The following MMP26 variants were observed in gnomAD, a reference collection of about 807,000 sequenced individuals.
The protein encoded by MMP26 is matrix metalloproteinase-26.
A neutral mutation model predicts 31.0 loss-of-function variants in MMP26; 33 were observed. That is an observed-to-expected ratio of 1.06 (90% confidence interval 0.81 to 1.42). The LOEUF is 1.42. MMP26 is among the 40% of genes most tolerant of loss of function. The probability of loss-of-function intolerance (pLI) is 0.00; values close to 1 mark genes in which losing one functional copy is unlikely to be tolerated. For missense variants in MMP26, 347 were observed against 316.1 expected (o/e 1.10, Z -0.74); for synonymous variants, 122 against 114.9 (o/e 1.06, Z -0.40).
chr11:4,775,600 T>C (rs1005210016), intron 2 of MMP26, among the ~76,000 whole-genome samples: 4 of 152,146 alleles, frequency 2.6e-5, no homozygotes, highest in Admixed American at 2.6e-4. Flanking sequence ...GAGGTTTATT[T>C]GGCTCATGGT....
rs115822047 is a variant in MMP26 at position 4,801,348 on chromosome 11, T to C, written c.-145+34007T>C. Among the ~76,000 whole-genome samples, 975 of 152,106 alleles carry C rather than the reference T, an allele frequency of 6.4e-3. 10 individuals carry two copies. Among genetic ancestry groups the C allele is most frequent in the African/African-American group, 0.022 (922 of 41,474 alleles). ...ATTTATAAAGAAAAGTTTAATTAGG[T>C]CCCAGTTTTGCAGGCTGCACAAGCA... On this transcript the variant is annotated intron_variant, in intron 2 of 7. Coordinates refer to ENST00000380390, the MANE Select transcript of MMP26 (RefSeq NM_021801.5).
At position 4,804,654 on chromosome 11, in the gene MMP26, A is replaced by G. The variant is rs371839882; in HGVS notation, c.-145+37313A>G. On this transcript the variant is annotated intron_variant, in intron 2 of 7. Coordinates refer to ENST00000380390, the MANE Select transcript of MMP26 (RefSeq NM_021801.5). ...GTGTAACTGTTTTTTAAGAATCAAT[A>G]TTTTTCTTGACCAGGTGTGGTGGCT... 6 of 537,322 alleles carry G rather than the reference A, an allele frequency of 1.1e-5. No homozygotes were observed. The African/African-American group carries it at 1.1e-4, about 10-fold the overall frequency. 33.3% of individuals were successfully genotyped at this position (537,322 alleles called of 1,614,324 possible).
At chr11:4,751,609 A>G (rs969458440) in intron 1 of MMP26, among the ~76,000 whole-genome samples, 5 of 152,176 alleles carry the variant, frequency 3.3e-5, no homozygotes, top group Non-Finnish European at 2.9e-5. Flanking sequence ...AACTTTAAAG[A>G]AAGTTTAAGC....
At chr11:4,750,911 C>T (rs1363559431) in intron 1 of MMP26, among the ~76,000 whole-genome samples, 3 of 149,538 alleles carry the variant, frequency 2.0e-5, no homozygotes, top group African/African-American at 7.3e-5. Context: ...CCCCCTAAAT[C>T]TATTTTTTTT....
intron 2 of MMP26, among the ~76,000 whole-genome samples, chr11:4,773,594 GGT>G (rs1491155554): frequency 0.095 from 13,394 of 140,944 alleles, 733 homozygotes; most frequent in Middle Eastern, 0.15. Context: ...GTGTTTGTGG[GGT>G]TTTTTTTTTT....
In MMP26 at chr11:4,915,714, A is replaced by G. The variant is rs78906244; in HGVS notation, c.-144-72354A>G. 2.4e-3 allele frequency: 3,159 copies of G among 1,324,106 alleles called. 43 individuals carry two copies. In the African/African-American group the frequency reaches 0.033, roughly 14 times the overall value. The allele number at this position is 1,324,106 out of a possible 1,614,324, so 82.0% of individuals were successfully genotyped here. A position where few individuals can be genotyped will look rare whatever the true frequency, so the allele number is the denominator to read the frequency against. Reference sequence around the variant, plus strand: ...GGGTGCCCTCCAAAATCCTGAAGTAAATTGAGGCAGTACTGGTGATTGCAC... The same window carrying G: ...GGGTGCCCTCCAAAATCCTGAAGTAGATTGAGGCAGTACTGGTGATTGCAC... On this transcript the variant is annotated intron_variant, in intron 2 of 7. Transcript: ENST00000380390.
chr11:4,783,809 G>T (rs1449232890), intron 2 of MMP26, among the ~76,000 whole-genome samples: 1 of 152,124 alleles, frequency 6.6e-6, no homozygotes, highest in Non-Finnish European at 1.5e-5. Context: ...TTGATAAGGG[G>T]CAACCTGTTT....
At chr11:4,766,238 G>A (rs1413385829) in intron 1 of MMP26, among the ~76,000 whole-genome samples, 1 of 152,188 alleles carries the variant, frequency 6.6e-6, no homozygotes, top group African/African-American at 2.4e-5. Context: ...TTTAATGCCA[G>A]TGTTCATTCT....
rs773341269 is a variant in MMP26, at chr11:4,955,578, T to C, written c.-144-32490T>C. On this transcript the variant is annotated intron_variant, in intron 2 of 7. Transcript: ENST00000380390. ...TCTGTCTTGATGATAAAAAGAATGG[T>C]GCCATTTCCTAGAATAGCAATAAGA... The C allele has an allele frequency of 4.3e-6, 6 of 1,396,164 alleles. No individual in the cohort carries two copies. The highest frequency in any genetic ancestry group is 1.9e-4 in the Middle Eastern group (1 of 5,268). The allele number at this position is 1,396,164 out of a possible 1,614,324, so 86.5% of individuals were successfully genotyped here.
chr11:4,860,647 A>G (rs1006398999), intron 2 of MMP26: 1 of 363,278 alleles, frequency 2.8e-6, no homozygotes, highest in South Asian at 2.1e-5. Flanking sequence ...ATATGGACAG[A>G]ACAATGGCTT....
In MMP26 at chr11:4,904,281, G is replaced by A. The variant is rs552315848; in HGVS notation, c.-144-83787G>A. Among the ~76,000 whole-genome samples, 5 of 152,132 alleles carry A rather than the reference G, an allele frequency of 3.3e-5. No individual in the cohort carries two copies. The South Asian group carries it at 8.3e-4, about 25-fold the overall frequency. ...AGCAGCTTTCCCAGATTCACACAGG[G>A]TAAATTGCCATGCTGAGATTTAAAC... On this transcript the variant is annotated intron_variant, in intron 2 of 7. Coordinates refer to ENST00000380390, the MANE Select transcript of MMP26 (RefSeq NM_021801.5).
intron 2 of MMP26, among the ~76,000 whole-genome samples, chr11:4,965,778 G>A (rs151082379): frequency 3.3e-5 from 5 of 152,262 alleles, no homozygotes; most frequent in East Asian, 1.9e-4. Flanking sequence ...ATGGAGACAC[G>A]TAACTAAATT....
chr11:4,729,464 G>A (rs1019101518), intron 1 of MMP26, among the ~76,000 whole-genome samples: 4 of 152,094 alleles, frequency 2.6e-5, no homozygotes, highest in African/African-American at 9.7e-5. Context: ...ACAGAGAGGG[G>A]CAGGAAGAAA....
At position 4,771,799 on chromosome 11, in the gene MMP26, A is replaced by C. The variant is rs191908604; in HGVS notation, c.-145+4458A>C. Among the ~76,000 whole-genome samples, 18 of 152,326 alleles carry C rather than the reference A, an allele frequency of 1.2e-4. No individual in the cohort carries two copies. The East Asian group carries it at 3.5e-3, about 29-fold the overall frequency. On this transcript the variant is annotated intron_variant, in intron 2 of 7. Transcript: ENST00000380390. ...TCAATTCAATCTGAGAAACATTATG[A>C]AAATATTTAAGTATGAATTATTAGA...
chr11:4,856,000 T>C (rs1474830850), intron 2 of MMP26, among the ~76,000 whole-genome samples: 1 of 152,002 alleles, frequency 6.6e-6, no homozygotes, highest in Admixed American at 6.6e-5. Flanking sequence ...AGAAATAAAA[T>C]CCTTTACAGA....
chr11:4,769,744 A>G (rs1848688955), intron 2 of MMP26: 4 of 1,614,026 alleles, frequency 2.5e-6, no homozygotes, highest in Non-Finnish European at 3.4e-6. Flanking sequence ...ACATGGGTTC[A>G]TGGAGACTCT....
chr11:4,769,686 A>G (rs753161130), intron 2 of MMP26: 6 of 1,613,016 alleles, frequency 3.7e-6, no homozygotes, highest in Admixed American at 1.7e-5. Context: ...GACAATGAAG[A>G]AACAGTCAAG....
intron 2 of MMP26, among the ~76,000 whole-genome samples, chr11:4,957,861 G>T (rs533903866): frequency 6.6e-6 from 1 of 152,076 alleles, no homozygotes; most frequent in African/African-American, 2.4e-5. Flanking sequence ...TGTATTTTTA[G>T]TAGAGATGGG....
At chr11:4,864,685 G>C (rs1009375517) in intron 2 of MMP26, among the ~76,000 whole-genome samples, 2 of 151,998 alleles carry the variant, frequency 1.3e-5, no homozygotes, top group African/African-American at 4.8e-5. Flanking sequence ...TACTGTTGGG[G>C]ATAGAACTAA....
Sources: gnomAD v4.1 joint callset for allele counts (sites outside exome capture counted in the v4.1 genomes callset) on GRCh38, gnomAD v4.1.1 for gene constraint, MANE v1.5 for transcripts, NCBI Gene and HGNC (gene_info 2026-07-23, HGNC 2026-07-21) for gene names.